Variants in BLK observed in about 807,000 individuals in gnomAD.
The protein encoded by BLK is tyrosine-protein kinase Blk.
Under a neutral mutation model 61.8 loss-of-function variants are expected in BLK, and 64 were observed. That is an observed-to-expected ratio of 1.03 (90% CI 0.85 to 1.27). BLK has a LOEUF of 1.27. BLK is among the 50% of genes most tolerant of loss of function. The probability of loss-of-function intolerance (pLI) is 0.00; values close to 1 mark genes in which losing one functional copy is unlikely to be tolerated. For synonymous variants in BLK, 351 were observed against 272.0 expected, an observed-to-expected ratio of 1.29 and a Z score of -2.86; for missense variants, 853 against 660.5, an observed-to-expected ratio of 1.29 and a Z score of -3.19.
intron 2 of BLK, 58 bp from the exon 3 acceptor site, chr8:11,545,994 C>T (rs1420960210): frequency 6.3e-7 from 1 of 1,584,610 alleles, no homozygotes; most frequent in African/African-American, 1.3e-5. Context: ...TCTCAACCCC[C>T]AGGCCCCACC....
chr8:11,547,496 G>A (rs952668300), intron 3 of BLK, among the ~76,000 whole-genome samples: 1 of 152,202 alleles, frequency 6.6e-6, no homozygotes, highest in African/African-American at 2.4e-5. Flanking sequence ...CAGCAAGGTG[G>A]GGGGCCCGGC....
At chr8:11,542,613 A>G (rs951095022) in intron 1 of BLK, among the ~76,000 whole-genome samples, 21 of 152,184 alleles carry the variant, frequency 1.4e-4, no homozygotes, top group East Asian at 5.8e-4. Context: ...ATTCTTTACC[A>G]AAGAAAAAAA....
chr8:11,523,476 C>A (rs1017626123), intron 1 of BLK, among the ~76,000 whole-genome samples: 5 of 152,040 alleles, frequency 3.3e-5, no homozygotes, highest in African/African-American at 1.2e-4. Context: ...TCACTTGAAC[C>A]CCGGAGAAGG....
intron 6 of BLK, chr8:11,554,258 G>A (rs964508883): frequency 4.9e-6 from 1 of 202,306 alleles, no homozygotes; most frequent in African/African-American, 2.3e-5. Context: ...TTTGAACAGA[G>A]CCCCTGGGCA....
intron 1 of BLK, among the ~76,000 whole-genome samples, chr8:11,495,568 A>G (rs1798333688): frequency 6.6e-6 from 1 of 151,518 alleles, no homozygotes; most frequent in African/African-American, 2.4e-5. Context: ...CAGTCAAATC[A>G]TGAGAAAACA....
chr8:11,515,870 G>C (rs1304396695), intron 1 of BLK, among the ~76,000 whole-genome samples: 1 of 152,150 alleles, frequency 6.6e-6, no homozygotes, highest in South Asian at 2.1e-4. Context: ...GGCTCCTGCT[G>C]GCATTTTAAA....
At chr8:11,529,223 A>C (rs561697024) in intron 1 of BLK, among the ~76,000 whole-genome samples, 1 of 152,330 alleles carries the variant, frequency 6.6e-6, no homozygotes, top group African/African-American at 2.4e-5. Context: ...GAGGAATTGC[A>C]AAAGAGAAAG....
At position 11,524,697 on chromosome 8, in the gene BLK, C is replaced by T. The variant is rs187249509; in HGVS notation, c.-1-18527C>T. ...GCATGAGCAAAGGACATTTTTGCAG[C>T]ATGTTTATGATCTTGAGAAAATGGA... On this transcript the variant is annotated intron_variant, in intron 1 of 12. Coordinates refer to ENST00000259089, the MANE Select transcript of BLK (RefSeq NM_001715.3). Among the ~76,000 whole-genome samples, 344 of 152,200 alleles carry T rather than the reference C, an allele frequency of 2.3e-3. 1 individual carries two copies. Among genetic ancestry groups the T allele is most frequent in the African/African-American group, 7.9e-3 (329 of 41,538 alleles).
At chr8:11,540,264 A>G (rs1005555800) in intron 1 of BLK, among the ~76,000 whole-genome samples, 8 of 152,152 alleles carry the variant, frequency 5.3e-5, no homozygotes, top group African/African-American at 1.9e-4. Flanking sequence ...TCATTTTCCT[A>G]ATACCATTTA....
chr8:11,507,663 T>C (rs1201576337), intron 1 of BLK, among the ~76,000 whole-genome samples: 1 of 151,788 alleles, frequency 6.6e-6, no homozygotes, highest in Non-Finnish European at 1.5e-5. Flanking sequence ...GGTTTGGGGG[T>C]TACTGGGTCC....
At position 11,556,858 on chromosome 8, in the gene BLK, G is replaced by A. The variant is rs375226058; in HGVS notation, c.952+21G>A. 3.3e-5 allele frequency: 53 copies of A among 1,611,590 alleles called. No homozygotes were observed. In the African/African-American group the frequency reaches 3.3e-4, roughly 10 times the overall value. On this transcript the variant is annotated intron_variant, in intron 9 of 12. Coordinates refer to ENST00000259089, the MANE Select transcript of BLK (RefSeq NM_001715.3). ...CAGAGGTGGTGCCCCCCGCAGAGCC[G>A]CATCCTCAGAGCGAGGCGGGAGGGC...
Position 11,557,985 on chromosome 8 carries a change from A to G in BLK, c.976A>G (p.Thr326Ala). The G allele has an allele frequency of 1.9e-6, 3 of 1,614,082 alleles. No individual in the cohort carries two copies. The highest frequency in any genetic ancestry group is 2.5e-6 in the Non-Finnish European group (3 of 1,179,948). ...ARGCLLDFLKTDEGSRLSLPR... is the reference protein window; with the variant it reads ...ARGCLLDFLKADEGSRLSLPR... ...AGGATGCCTGCTGGATTTCCTGAAG[A>G]CAGATGAAGGGAGCAGATTGTCACT... is the stretch of plus-strand genomic sequence containing the variant. The change falls in exon 10 of 13, where the codon ACA (threonine) becomes GCA (alanine). Residue 326 changes from threonine (T) to alanine (A), a missense_variant. Transcript: ENST00000259089.
At chr8:11,561,896 G>A (rs1442407598) in intron 11 of BLK, among the ~76,000 whole-genome samples, 2 of 151,004 alleles carry the variant, frequency 1.3e-5, no homozygotes, top group African/African-American at 4.9e-5. Context: ...TTGGCTCACT[G>A]CAACCTCCGC....
chr8:11,560,890 G>A, intron 10 of BLK: 1 of 466,854 alleles, frequency 2.1e-6, no homozygotes, highest in Non-Finnish European at 4.3e-6. Context: ...CCAGCTCCAG[G>A]AGCTGTGCTT....
At chr8:11,557,555 C>T (rs908140170) in intron 9 of BLK, among the ~76,000 whole-genome samples, 2 of 152,322 alleles carry the variant, frequency 1.3e-5, no homozygotes, top group East Asian at 3.9e-4. Flanking sequence ...TGCTTTCTTG[C>T]TGATGCCTGG....
rs147169220 is a variant in BLK, at chr8:11,511,975, ATT to A, written c.-2+17385_-2+17386del. Among the ~76,000 whole-genome samples the A allele has an allele frequency of 5.5e-3, 833 of 152,308 alleles. 14 individuals carry two copies. Among genetic ancestry groups the A allele is most frequent in the African/African-American group, 0.019 (775 of 41,558 alleles). ...TTTTCTTACGTTTGGGTTTTCTGTG[ATT>A]GTTTGATTATTTAATTTATTCGTTC... is the stretch of plus-strand genomic sequence containing the variant. On this transcript the variant is annotated intron_variant, in intron 1 of 12. Coordinates refer to ENST00000259089, the MANE Select transcript of BLK (RefSeq NM_001715.3).
chr8:11,526,247 A>T (rs953943966), intron 1 of BLK, among the ~76,000 whole-genome samples: 4 of 152,172 alleles, frequency 2.6e-5, no homozygotes, highest in African/African-American at 9.7e-5. Context: ...GATTTTTATC[A>T]GCTGTTTTGT....
chr8:11,558,146 G>A, intron 10 of BLK, 108 bp downstream of exon 10: 1 of 1,175,088 alleles, frequency 8.5e-7, no homozygotes, highest in Non-Finnish European at 1.2e-6. Flanking sequence ...GAGAAGTCAG[G>A]GGGTACTGAA....
rs370363770 is a variant in BLK, at chr8:11,558,044, T to G, written c.1029+6T>G. On this transcript the variant is annotated splice_donor_region_variant and intron_variant, in intron 10 of 12. Coordinates refer to ENST00000259089, the MANE Select transcript of BLK (RefSeq NM_001715.3). ...TGATTGACATGTCGGCGCAGGTTGG[T>G]GAAGTACCAGGTGCAGAGAAAGGGC... 1.5e-5 allele frequency: 25 copies of G among 1,613,910 alleles called. No homozygotes were observed. Among genetic ancestry groups the G allele is most frequent in the East Asian group, 8.9e-5 (4 of 44,868 alleles).
Sources: allele counts gnomAD v4.1 joint callset (sites outside exome capture counted in the v4.1 genomes callset), GRCh38; gene constraint gnomAD v4.1.1; transcripts MANE v1.5; gene names NCBI Gene and HGNC (gene_info 2026-07-23, HGNC 2026-07-21).